INTU: variants seen among roughly 807,000 people sequenced by gnomAD.
INTU encodes inturned planar cell polarity protein, also known as protein inturned.
A neutral mutation model predicts 100.5 loss-of-function variants in INTU; 68 were observed. The observed-to-expected ratio is 0.68, with a 90% CI of 0.56 to 0.83. The LOEUF is 0.83. INTU is among the 40% of genes least tolerant of loss of function. INTU has a pLI of 0.00. For missense variants in INTU, 1,071 were observed against 1,114.7 expected, an observed-to-expected ratio of 0.96 and a Z score of 0.56; for synonymous variants, 357 against 395.7, an observed-to-expected ratio of 0.90 and a Z score of 1.16.
chr4:127,697,565 G>C (rs908460358), intron 8 of INTU, among the ~76,000 whole-genome samples: 2 of 152,058 alleles, frequency 1.3e-5, no homozygotes, highest in African/African-American at 4.8e-5. Context: ...TGTGGTAGTT[G>C]TCTTTCTGTG....
At chr4:127,651,791 T>A (rs529247348) in intron 2 of INTU, among the ~76,000 whole-genome samples, 236 of 151,180 alleles carry the variant, frequency 1.6e-3, no homozygotes, top group African/African-American at 5.6e-3. Context: ...TGGCATTGAA[T>A]CTGTAAATTA....
chr4:127,634,452 C>G (rs1343058342), intron 1 of INTU, among the ~76,000 whole-genome samples: 2 of 152,142 alleles, frequency 1.3e-5, no homozygotes, highest in East Asian at 3.9e-4. Flanking sequence ...TGTGAGAATT[C>G]AAGACGCCTG....
chr4:127,677,048 G>C (rs975458812), intron 6 of INTU, among the ~76,000 whole-genome samples: 1 of 152,222 alleles, frequency 6.6e-6, no homozygotes, highest in African/African-American at 2.4e-5. Context: ...GGCTGGGGGA[G>C]GGGAGCCCGC....
At chr4:127,636,707 C>T (rs1217916206) in intron 1 of INTU, among the ~76,000 whole-genome samples, 1 of 151,876 alleles carries the variant, frequency 6.6e-6, no homozygotes, top group Admixed American at 6.6e-5. Context: ...ACATCATATC[C>T]CCAACTCAAT....
At position 127,718,005 on chromosome 4, in the gene INTU, G is replaced by A. The variant is rs1409212148; in HGVS notation, c.*1569G>A. The A allele has an allele frequency of 6.6e-6, 1 of 152,072 alleles. No homozygotes were observed. The highest frequency in any genetic ancestry group is 1.5e-5 in the Non-Finnish European group (1 of 68,004). 9.4% of individuals were successfully genotyped at this position (152,072 alleles called of 1,614,324 possible). A position where few individuals can be genotyped will look rare whatever the true frequency, so the allele number is the denominator to read the frequency against. On this transcript the variant is annotated 3_prime_UTR_variant, in exon 16 of 16. Coordinates refer to ENST00000335251, the MANE Select transcript of INTU (RefSeq NM_015693.4). The stretch of plus-strand genomic sequence containing the variant: ...TCTTTAATTTAACTAGATCCCATTT[G>A]TCAAGTTTTGCTTTTGTTGCAGTTG...
At chr4:127,697,782 A>C (rs1426377283) in intron 8 of INTU, among the ~76,000 whole-genome samples, 1 of 152,200 alleles carries the variant, frequency 6.6e-6, no homozygotes, top group Non-Finnish European at 1.5e-5. Flanking sequence ...TTTATTGAGT[A>C]TGTATCTTCT....
At chr4:127,677,748 G>A (rs919842645) in intron 6 of INTU, among the ~76,000 whole-genome samples, 10 of 152,112 alleles carry the variant, frequency 6.6e-5, no homozygotes, top group Non-Finnish European at 1.0e-4. Flanking sequence ...ACAGCTGGAC[G>A]GAGAATGACT....
rs534401989 is a variant in INTU at position 127,723,604 on chromosome 4, G to C, written c.*7168G>C. The stretch of plus-strand genomic sequence containing the variant: ...TCAATTTTGACTAGGATATATATAT[G>C]TGTGTGTGTGTATATATATGTATTT... On this transcript the variant is annotated 3_prime_UTR_variant, in exon 16 of 16. Coordinates refer to ENST00000335251, the MANE Select transcript of INTU (RefSeq NM_015693.4). 1 of 151,244 alleles carries C rather than the reference G, an allele frequency of 6.6e-6. No individual in the cohort carries two copies. The highest frequency in any genetic ancestry group is 1.5e-5 in the Non-Finnish European group (1 of 67,794). 9.4% of individuals were successfully genotyped at this position (151,244 alleles called of 1,614,324 possible).
In INTU at chr4:127,668,664, G is replaced by A. The variant is rs937740473; in HGVS notation, c.973-372G>A. ...ACCTGTGTAGCTATGTAACCACAGGGGACGAGAATAACTGTATAGTATTAA... is the reference window on the plus strand; with the variant it reads ...ACCTGTGTAGCTATGTAACCACAGGAGACGAGAATAACTGTATAGTATTAA... On this transcript the variant is annotated intron_variant, in intron 4 of 15. Transcript: ENST00000335251. Among the ~76,000 whole-genome samples, 5 of 151,226 alleles carry A rather than the reference G, an allele frequency of 3.3e-5. No individual in the cohort carries two copies. In the South Asian group the frequency reaches 1.0e-3, roughly 32 times the overall value.
At chr4:127,634,588 A>T (rs1726985841) in intron 1 of INTU, among the ~76,000 whole-genome samples, 1 of 152,214 alleles carries the variant, frequency 6.6e-6, no homozygotes, top group Non-Finnish European at 1.5e-5. Context: ...GTATTTCATG[A>T]TTCAAAATAC....
chr4:127,662,217 C>A (rs1728507561), intron 3 of INTU, among the ~76,000 whole-genome samples: 1 of 152,036 alleles, frequency 6.6e-6, no homozygotes, highest in Non-Finnish European at 1.5e-5. Context: ...CTATTTTCTC[C>A]CATCCTGTAG....
At chr4:127,716,082 A>G (rs1312036570) in intron 15 of INTU, among the ~76,000 whole-genome samples, 3 of 152,202 alleles carry the variant, frequency 2.0e-5, no homozygotes, top group African/African-American at 4.8e-5. Context: ...GAGTGGTATC[A>G]TAATACATAT....
At chr4:127,654,571 A>G (rs1159254060) in intron 2 of INTU, among the ~76,000 whole-genome samples, 1 of 152,126 alleles carries the variant, frequency 6.6e-6, no homozygotes, top group East Asian at 1.9e-4. Flanking sequence ...TCTGGCTCGT[A>G]GGGTTTCTGC....
chr4:127,680,014 TA>T (rs1289668639), intron 6 of INTU, among the ~76,000 whole-genome samples: 2 of 152,112 alleles, frequency 1.3e-5, no homozygotes, highest in African/African-American at 4.8e-5. Flanking sequence ...AAGAAATGGA[TA>T]AATTCCTTGA....
chr4:127,674,944 T>A (rs1476104072), intron 6 of INTU, among the ~76,000 whole-genome samples: 1 of 152,188 alleles, frequency 6.6e-6, no homozygotes, highest in Non-Finnish European at 1.5e-5. Flanking sequence ...GAGGCAGGAT[T>A]GGAAATTGAA....
In INTU at chr4:127,674,212, G is replaced by A. The variant is rs1729068779; in HGVS notation, c.1180G>A (p.Glu394Lys). ...KLLLIGLPAE[E>K]VPLPRLRNMI... ...GTTGCTAATTGGCCTGCCTGCTGAA[G>A]AGTAAGTTGAGGTTTTGCTTACCTT... The change falls in exon 6 of 16, where the codon GAA (glutamate) becomes AAA (lysine). Residue 394 changes from glutamate to lysine, a missense_variant and splice_region_variant. Transcript: ENST00000335251. The A allele has an allele frequency of 1.9e-6, 3 of 1,604,502 alleles. No homozygotes were observed. The highest frequency in any genetic ancestry group is 2.6e-6 in the Non-Finnish European group (3 of 1,174,116).
rs1420107004 is a variant in INTU at position 127,706,636 on chromosome 4, A to T, written c.1938A>T (p.Leu646=). ...DGVDSRIDER[L]ASSPVPCLSC... ...TAGATTCTCGCATAGATGAACGGCT[A>T]GCATCTTCTCCAGTCCCCTGTTTGT... The change falls in exon 12 of 16, where the codon CTA becomes CTT. Residue 646 remains leucine (L), a synonymous_variant. Coordinates refer to ENST00000335251, the MANE Select transcript of INTU (RefSeq NM_015693.4). The T allele has an allele frequency of 7.4e-6, 12 of 1,614,108 alleles. No homozygotes were observed. Among genetic ancestry groups the T allele is most frequent in the Non-Finnish European group, 9.3e-6 (11 of 1,179,974 alleles).
At chr4:127,690,879 G>T (rs1247105423) in intron 8 of INTU, among the ~76,000 whole-genome samples, 1 of 151,760 alleles carries the variant, frequency 6.6e-6, no homozygotes. Flanking sequence ...ATTTACATTA[G>T]GGTTCATTCT....
chr4:127,719,170 T>C lies in INTU; in HGVS notation c.*2734T>C, dbSNP rs1731310526. On this transcript the variant is annotated 3_prime_UTR_variant, in exon 16 of 16. Transcript: ENST00000335251. Reference sequence around the variant, plus strand: ...AAGTATGTTCCTTCAATACCTAGTTTATTGAGAGTTTTTAACATGAAAGGA... The same window carrying C: ...AAGTATGTTCCTTCAATACCTAGTTCATTGAGAGTTTTTAACATGAAAGGA... The C allele has an allele frequency of 1.3e-5, 2 of 152,204 alleles. No individual in the cohort carries two copies. Among genetic ancestry groups the C allele is most frequent in the African/African-American group, 4.8e-5 (2 of 41,470 alleles). The allele number at this position is 152,204 out of a possible 1,614,324, so 9.4% of individuals were successfully genotyped here.
Sources: gnomAD v4.1 joint callset for allele counts (sites outside exome capture counted in the v4.1 genomes callset) on GRCh38, gnomAD v4.1.1 for gene constraint, MANE v1.5 for transcripts, NCBI Gene and HGNC (gene_info 2026-07-23, HGNC 2026-07-21) for gene names.